DENND4A: variants seen among roughly 807,000 people sequenced by gnomAD.
The protein encoded by DENND4A is DENN domain containing 4A.
DENND4A carries 70 observed loss-of-function variants against 199.3 expected under a neutral mutation model. The observed-to-expected ratio is 0.35, with a 90% confidence interval of 0.29 to 0.43. DENND4A has a LOEUF of 0.43. DENND4A is among the 20% of genes least tolerant of loss of function. DENND4A has a pLI of 1.00. For missense variants in DENND4A, 1,723 were observed against 2,255.8 expected, an observed-to-expected ratio of 0.76 and a Z score of 4.78; for synonymous variants, 686 against 766.9, an observed-to-expected ratio of 0.89 and a Z score of 1.74.
Position 65,697,370 on chromosome 15 carries a change from A to C in DENND4A, c.2847T>G (p.Asp949Glu). 6.2e-7 allele frequency: 1 copy of C among 1,600,566 alleles called. No individual in the cohort carries two copies. The highest frequency in any genetic ancestry group is 8.5e-7 in the Non-Finnish European group (1 of 1,173,530). Reference sequence around the variant, plus strand: ...CTTTAGATAATGAATTATATCCAAGATCAGACTGGCCACCTGGTAAAAACA... The same window carrying C: ...CTTTAGATAATGAATTATATCCAAGCTCAGACTGGCCACCTGGTAAAAACA... Reference protein sequence around the residue: ...DDRSSTGGQSDLGYNSLSKDE... With the variant: ...DDRSSTGGQSELGYNSLSKDE... Residue 949 changes from aspartate to glutamate, a missense_variant, in exon 21 of 33, where the codon GAT becomes GAG. Physicochemically the swap from Asp to Glu is conservative, Grantham distance 45 (BLOSUM62 2). Around this residue, in one of 6 missense-constraint regions of DENND4A, gnomAD observed 650 missense variants for 738.1 expected, o/e 0.88. Transcript: ENST00000443035.
At chr15:65,713,969 A>G (rs1027168324) in intron 14 of DENND4A, among the ~76,000 whole-genome samples, 2 of 152,176 alleles carry the variant, frequency 1.3e-5, no homozygotes, top group Non-Finnish European at 2.9e-5. Flanking sequence ...ATACACACAG[A>G]CACATATACT....
chr15:65,787,918 T>C (rs1335136366), intron 1 of DENND4A, among the ~76,000 whole-genome samples: 1 of 152,064 alleles, frequency 6.6e-6, no homozygotes, highest in Non-Finnish European at 1.5e-5. Flanking sequence ...GATGAAGTAA[T>C]GGGGAAATGA....
Position 65,731,642 on chromosome 15 carries a change from CT to C in DENND4A, c.1165del (p.Ser389ValfsTer12). On this transcript the variant is annotated frameshift_variant and splice_region_variant, in exon 9 of 33. Transcript: ENST00000443035. LOFTEE classifies it high-confidence loss of function. ...SQPVSSPLPL[S>X]GGKFSTLLQN... is the part of the protein sequence containing the mutation. The stretch of plus-strand genomic sequence containing the variant: ...TAAATAGAAATGAGGTTTTACTTGC[CT>C]TAGTGGAAGAGGTGAAGACACAGGC... 1 of 1,549,498 alleles carries C rather than the reference CT, an allele frequency of 6.5e-7. No homozygotes were observed. The highest frequency in any genetic ancestry group is 1.4e-5 in the African/African-American group (1 of 73,180).
intron 19 of DENND4A, among the ~76,000 whole-genome samples, 179 bp from the exon 20 acceptor site, chr15:65,700,854 C>T (rs753567610): frequency 1.3e-5 from 2 of 152,164 alleles, no homozygotes; most frequent in Non-Finnish European, 2.9e-5. Context: ...AAAACACACA[C>T]AAAGGTCGTC....
At chr15:65,777,517 T>C (rs925387182) in intron 1 of DENND4A, among the ~76,000 whole-genome samples, 33 of 151,960 alleles carry the variant, frequency 2.2e-4, no homozygotes, top group African/African-American at 8.0e-4. Context: ...CACGCCTGGC[T>C]AATTTTTGTA....
At position 65,723,044 on chromosome 15, in the gene DENND4A, C is replaced by T. The variant is rs1345693911; in HGVS notation, c.1488-96G>A. 3.3e-6 allele frequency: 3 copies of T among 916,864 alleles called. No homozygotes were observed. In the African/African-American group the frequency reaches 5.2e-5, roughly 16 times the overall value. The allele number at this position is 916,864 out of a possible 1,614,324, so 56.8% of individuals were successfully genotyped here. The stretch of plus-strand genomic sequence containing the variant: ...TATATAAAAACGGGAAAAGATTAAA[C>T]ACCTTGAATGAAAAATGAAAAACAA... On this transcript the variant is annotated intron_variant, in intron 11 of 32. Transcript: ENST00000443035.
chr15:65,660,386 T>C lies in DENND4A; in HGVS notation c.*1465A>G, dbSNP rs1397708386. The C allele has an allele frequency of 8.1e-7, 1 of 1,227,994 alleles. No homozygotes were observed. Among genetic ancestry groups the C allele is most frequent in the Non-Finnish European group, 1.2e-6 (1 of 867,558 alleles). The allele number at this position is 1,227,994 out of a possible 1,614,324, so 76.1% of individuals were successfully genotyped here. A position where few individuals can be genotyped will look rare whatever the true frequency, so the allele number is the denominator to read the frequency against. On this transcript the variant is annotated 3_prime_UTR_variant, in exon 33 of 33. Transcript: ENST00000443035. ...GATTCTAAGTCTCAGGACTCCAAGA[T>C]ACCTCCAGTCCAAGTGTCGTGGACT...
chr15:65,715,749 G>A (rs28700140), intron 13 of DENND4A, 126 bp from the exon 14 acceptor site: 165,863 of 810,718 alleles, frequency 0.2, 22,386 homozygotes, highest in East Asian at 0.7. Context: ...CATTTCGCAA[G>A]TGCTGAGAGG....
In DENND4A at chr15:65,771,069, A is replaced by C. The variant is rs1174306674; in HGVS notation, c.-101-9631T>G. 1.7e-5 allele frequency: 19 copies of C among 1,132,846 alleles called. 1 individual carries two copies. The Admixed American group carries it at 4.2e-4, about 25-fold the overall frequency. The allele number at this position is 1,132,846 out of a possible 1,614,324, so 70.2% of individuals were successfully genotyped here. ...ATTTCAGGAACCAACTATTCAGTTT[A>C]ATTTTCAGTATCAGATCTTTCCCTT... is the stretch of plus-strand genomic sequence containing the variant. On this transcript the variant is annotated intron_variant, in intron 1 of 32. Transcript: ENST00000443035.
intron 12 of DENND4A, among the ~76,000 whole-genome samples, chr15:65,720,423 T>C (rs1475137709): frequency 1.3e-5 from 2 of 151,662 alleles, no homozygotes; most frequent in African/African-American, 4.8e-5. Flanking sequence ...ATTTTTTTTT[T>C]TTTTTTGAGA....
rs975086505 is a variant in DENND4A, at chr15:65,737,345, T to A, written c.1040+362A>T. Among the ~76,000 whole-genome samples, 5 of 152,218 alleles carry A rather than the reference T, an allele frequency of 3.3e-5. No homozygotes were observed. In the South Asian group the frequency reaches 1.0e-3, roughly 32 times the overall value. On this transcript the variant is annotated intron_variant, in intron 7 of 32. Transcript: ENST00000443035. ...AAGTGCTGAGATTATGGGCGTGAAC[T>A]ATTGCACTCAGCCCCAGTAAGAAAT... is the stretch of plus-strand genomic sequence containing the variant.
At position 65,659,246 on chromosome 15, in the gene DENND4A, T is replaced by C. The variant is rs563022059; in HGVS notation, c.*2605A>G. On this transcript the variant is annotated 3_prime_UTR_variant, in exon 33 of 33. Transcript: ENST00000443035. ...TTCTCTCCAACATGATTGGCCATTA[T>C]TCTCCAAAATGTATGGTTAACAGAA... The C allele has an allele frequency of 6.6e-6, 1 of 151,930 alleles. No individual in the cohort carries two copies. The highest frequency in any genetic ancestry group is 2.1e-4 in the South Asian group (1 of 4,820). 9.4% of individuals were successfully genotyped at this position (151,930 alleles called of 1,614,324 possible).
intron 14 of DENND4A, among the ~76,000 whole-genome samples, chr15:65,711,104 A>G (rs2075236427): frequency 6.6e-6 from 1 of 152,246 alleles, no homozygotes; most frequent in South Asian, 2.1e-4. Context: ...AGTGCCAAAT[A>G]AGGCAAACAC....
chr15:65,730,511 C>T (rs372826173), intron 9 of DENND4A, among the ~76,000 whole-genome samples: 6 of 151,980 alleles, frequency 3.9e-5, no homozygotes, highest in East Asian at 3.9e-4. Context: ...ATACATAAAA[C>T]GTATATCCAT....
intron 7 of DENND4A, among the ~76,000 whole-genome samples, chr15:65,736,948 T>C (rs561564202): frequency 1.2e-4 from 18 of 152,278 alleles, no homozygotes; most frequent in African/African-American, 3.6e-4. Flanking sequence ...ATGCAATGGG[T>C]GTGTTATCTT....
chr15:65,784,254 G>T (rs2077508485), intron 1 of DENND4A, among the ~76,000 whole-genome samples: 1 of 152,110 alleles, frequency 6.6e-6, no homozygotes, highest in Admixed American at 6.6e-5. Context: ...GCCCAGATAG[G>T]CTAAGGGAAG....
At chr15:65,718,760 C>CTTTTTTT (rs1038227560) in intron 12 of DENND4A, among the ~76,000 whole-genome samples, 51 of 67,772 alleles carry the variant, frequency 7.5e-4, no homozygotes, top group East Asian at 2.3e-3. Context: ...GTTTTTTTTC[C>CTTTTTTT]TTTTTTTTTT....
chr15:65,752,679 A>C (rs1178318052), intron 3 of DENND4A, 51 bp from the exon 4 acceptor site: 5 of 1,211,984 alleles, frequency 4.1e-6, no homozygotes, highest in Non-Finnish European at 4.5e-6. Context: ...AAATATGAAA[A>C]GTAATATTCT....
At position 65,665,384 on chromosome 15, in the gene DENND4A, C is replaced by G; in HGVS notation, c.5320G>C (p.Asp1774His). 2 of 1,613,722 alleles carry G rather than the reference C, an allele frequency of 1.2e-6. No individual in the cohort carries two copies. The highest frequency in any genetic ancestry group is 8.5e-7 in the Non-Finnish European group (1 of 1,179,718). Residue 1774 changes from aspartate to histidine, a missense_variant, in exon 30 of 33, where the codon GAT (aspartate) becomes CAT (histidine). Physicochemically the swap from Asp to His is moderately conservative, Grantham distance 81. Around this residue, in one of 6 missense-constraint regions of DENND4A, gnomAD observed 164 missense variants for 280.1 expected, o/e 0.59. Coordinates refer to ENST00000443035, the MANE Select transcript of DENND4A (RefSeq NM_001320835.1). ...AGAATGTACAAGGGCTGTCCCGGAT[C>G]CTGATGTAACTTCATATTGTCCCAT... ...MLWDNMKLHQ[D>H]PGQPLYILWN...
Sources: gnomAD v4.1 joint callset for allele counts (sites outside exome capture counted in the v4.1 genomes callset) on GRCh38, gnomAD v4.1.1 for gene constraint, gnomAD v4.1.1 regional missense constraint, MANE v1.5 for transcripts, NCBI Gene and HGNC (gene_info 2026-07-23, HGNC 2026-07-21) for gene names.